The following WWOX variants were observed in gnomAD, a reference collection of about 807,000 sequenced individuals.
WWOX encodes the protein WW domain containing oxidoreductase.
Under a neutral mutation model 46.2 loss-of-function variants are expected in WWOX, and 69 were observed. That is an observed-to-expected ratio of 1.49 (90% CI 1.23 to 1.82). The LOEUF (loss-of-function observed/expected upper bound fraction) is 1.82, where lower values mean the gene tolerates loss of function less well. WWOX is among the 40% of genes most tolerant of loss of function. The pLI is 0.00. For missense variants in WWOX, 919 were observed against 542.6 expected (o/e 1.69, Z -6.89); for synonymous variants, 359 against 202.6 (o/e 1.77, Z -6.56).
intron 8 of WWOX, among the ~76,000 whole-genome samples, chr16:78,812,322 G>C (rs2051210596): frequency 6.6e-6 from 1 of 152,090 alleles, no homozygotes; most frequent in South Asian, 2.1e-4. Flanking sequence ...GGTGCCATTG[G>C]GTTTTGAGAC....
At chr16:78,976,808 G>C (rs912282023) in intron 8 of WWOX, among the ~76,000 whole-genome samples, 7 of 152,204 alleles carry the variant, frequency 4.6e-5, no homozygotes, top group Admixed American at 1.3e-4. Context: ...AGTGCTGACA[G>C]TGTCAGTGTC....
At chr16:78,435,646 A>G (rs2083318929) in intron 8 of WWOX, among the ~76,000 whole-genome samples, 1 of 152,142 alleles carries the variant, frequency 6.6e-6, no homozygotes, top group Non-Finnish European at 1.5e-5. Flanking sequence ...TTTCCCTTGT[A>G]GTTGAGATGG....
At chr16:78,562,682 G>T (rs992201907) in intron 8 of WWOX, among the ~76,000 whole-genome samples, 2 of 152,130 alleles carry the variant, frequency 1.3e-5, no homozygotes, top group Non-Finnish European at 2.9e-5. Context: ...CTTCCTTTGA[G>T]GCCATCTGCA....
At chr16:78,642,133 A>G (rs970518286) in intron 8 of WWOX, among the ~76,000 whole-genome samples, 3 of 152,168 alleles carry the variant, frequency 2.0e-5, no homozygotes, top group African/African-American at 7.2e-5. Context: ...TCTCCATCTA[A>G]CAAGAAAATA....
At chr16:78,539,781 C>A (rs761663943) in intron 8 of WWOX, among the ~76,000 whole-genome samples, 1 of 152,152 alleles carries the variant, frequency 6.6e-6, no homozygotes, top group Non-Finnish European at 1.5e-5. Context: ...TAATCTAACA[C>A]CAGCAATGAT....
intron 8 of WWOX, among the ~76,000 whole-genome samples, chr16:79,029,233 G>C (rs1003616156): frequency 6.6e-6 from 1 of 152,110 alleles, no homozygotes; most frequent in Non-Finnish European, 1.5e-5. Flanking sequence ...GTCACGGCTG[G>C]GCCTACTCAG....
chr16:78,926,072 C>G (rs1181702373), intron 8 of WWOX, among the ~76,000 whole-genome samples: 4 of 152,148 alleles, frequency 2.6e-5, no homozygotes, highest in Non-Finnish European at 5.9e-5. Flanking sequence ...AACTGCTGCT[C>G]TTGGTAGAGG....
chr16:79,025,902 G>A (rs1359492606), intron 8 of WWOX, among the ~76,000 whole-genome samples: 3 of 149,178 alleles, frequency 2.0e-5, no homozygotes, highest in Non-Finnish European at 4.4e-5. Flanking sequence ...GGGTTCAAGT[G>A]ATTCTCCTGC....
At chr16:78,984,334 C>CTCTAGG (rs1466297198) in intron 8 of WWOX, among the ~76,000 whole-genome samples, 1 of 152,154 alleles carries the variant, frequency 6.6e-6, no homozygotes, top group Admixed American at 6.5e-5. Context: ...AGAAAGCACT[C>CTCTAGG]TCTAGGTCAA....
chr16:78,743,762 G>C (rs997188894), intron 8 of WWOX, among the ~76,000 whole-genome samples: 1 of 152,118 alleles, frequency 6.6e-6, no homozygotes, highest in Non-Finnish European at 1.5e-5. Context: ...CAACCTATCA[G>C]ACATTTGCAT....
chr16:78,485,277 G>C (rs74030525), intron 8 of WWOX, among the ~76,000 whole-genome samples: 22,107 of 152,054 alleles, frequency 0.15, 1,851 homozygotes, highest in African/African-American at 0.24. Context: ...CATTTTCAAT[G>C]AAACTACATG....
intron 5 of WWOX, among the ~76,000 whole-genome samples, chr16:78,381,582 T>C (rs150397653): frequency 2.0e-4 from 31 of 152,348 alleles, no homozygotes; most frequent in East Asian, 1.3e-3. Flanking sequence ...TATACATAAT[T>C]TAAAATACAT....
chr16:78,402,953 C>G (rs949465796), intron 6 of WWOX, among the ~76,000 whole-genome samples: 4 of 152,164 alleles, frequency 2.6e-5, no homozygotes, highest in Admixed American at 2.6e-4. Context: ...TCTTCATTAG[C>G]TATTCCCAGG....
intron 5 of WWOX, among the ~76,000 whole-genome samples, chr16:78,335,224 A>G (rs1325515887): frequency 1.3e-5 from 2 of 152,188 alleles, no homozygotes; most frequent in Non-Finnish European, 2.9e-5. Context: ...GCAGAGATCA[A>G]CTTATCACCT....
At chr16:79,122,729 C>T (rs374471792) in intron 8 of WWOX, among the ~76,000 whole-genome samples, 1 of 152,160 alleles carries the variant, frequency 6.6e-6, no homozygotes, top group Non-Finnish European at 1.5e-5. Context: ...ATTTGTACAG[C>T]TAAGCTGAAT....
intron 6 of WWOX, among the ~76,000 whole-genome samples, chr16:78,413,856 T>TTA (rs1317392390): frequency 6.6e-6 from 1 of 151,922 alleles, no homozygotes; most frequent in East Asian, 2.0e-4. Context: ...GTGCAATGGC[T>TTA]TACCCCTGTA....
At chr16:78,573,990 G>T (rs929354537) in intron 8 of WWOX, among the ~76,000 whole-genome samples, 3 of 152,194 alleles carry the variant, frequency 2.0e-5, no homozygotes, top group Non-Finnish European at 4.4e-5. Flanking sequence ...TTCTAATTTG[G>T]TAGCTTGACT....
At chr16:78,738,739 C>G (rs570524933) in intron 8 of WWOX, among the ~76,000 whole-genome samples, 1 of 152,026 alleles carries the variant, frequency 6.6e-6, no homozygotes, top group African/African-American at 2.4e-5. Context: ...GGTGTGAATG[C>G]GAACAGAGGC....
In WWOX at chr16:78,476,859, T is replaced by G. The variant is rs560818283; in HGVS notation, c.1056+44107T>G. Among the ~76,000 whole-genome samples the G allele has an allele frequency of 2.0e-5, 3 of 152,176 alleles. No individual in the cohort carries two copies. The South Asian group carries it at 6.2e-4, about 32-fold the overall frequency. On this transcript the variant is annotated intron_variant, in intron 8 of 8. Transcript: ENST00000566780. ...TTGTTTTGTTCGTTTTTCTTTTTCC[T>G]TCCCTCCCTTCCTGATTTCCCATCT...
Sources: gnomAD v4.1 joint callset for allele counts (sites outside exome capture counted in the v4.1 genomes callset) on GRCh38, gnomAD v4.1.1 for gene constraint, MANE v1.5 for transcripts, NCBI Gene and HGNC (gene_info 2026-07-23, HGNC 2026-07-21) for gene names.